The following PXDNL variants were observed in gnomAD, a reference collection of about 807,000 sequenced individuals.
The protein encoded by PXDNL is peroxidasin like.
In PXDNL, 145 loss-of-function variants were observed where a neutral mutation model predicts 150.8. That is an observed-to-expected ratio of 0.96 (90% confidence interval 0.84 to 1.10). The LOEUF (loss-of-function observed/expected upper bound fraction) is 1.10. Among genes scored for constraint, PXDNL ranks in the 50% least tolerant of loss-of-function variants. The pLI is 0.00. For missense variants in PXDNL, 2,087 were observed against 1,873.9 expected (o/e 1.11, Z -2.10); for synonymous variants, 757 against 725.7 (o/e 1.04, Z -0.69).
chr8:51,358,740 G>A (rs903082879), intron 19 of PXDNL, among the ~76,000 whole-genome samples: 3 of 152,114 alleles, frequency 2.0e-5, no homozygotes, highest in African/African-American at 7.2e-5. Flanking sequence ...CCCCAAAGAT[G>A]GGCCTTCTTC....
At chr8:51,486,848 T>G (rs932285290) in intron 5 of PXDNL, among the ~76,000 whole-genome samples, 5 of 126,356 alleles carry the variant, frequency 4.0e-5, no homozygotes, top group Non-Finnish European at 6.3e-5. Context: ...CTTGCCAGGC[T>G]GCAGTGCAGT....
chr8:51,329,869 T>C (rs1336898300), intron 21 of PXDNL, among the ~76,000 whole-genome samples: 2 of 152,116 alleles, frequency 1.3e-5, no homozygotes, highest in African/African-American at 4.8e-5. Flanking sequence ...TTTATGGAGA[T>C]TGAGAAGGGC....
At chr8:51,761,587 T>C (rs531235890) in intron 1 of PXDNL, among the ~76,000 whole-genome samples, 21 of 152,302 alleles carry the variant, frequency 1.4e-4, no homozygotes, top group African/African-American at 3.4e-4. Flanking sequence ...AAAGCTAAGA[T>C]TTAAAGCTCT....
Position 51,521,233 on chromosome 8 carries a change from C to A in PXDNL, c.381-21463G>T, listed in dbSNP as rs372438946. 2.6e-4 allele frequency among the ~76,000 whole-genome samples: 40 copies of A among 152,154 alleles called. 1 individual carries two copies. Among genetic ancestry groups the A allele is most frequent in the African/African-American group, 8.4e-4 (35 of 41,492 alleles). ...CTGTAGTCTGAGTGACAGAATGAGA[C>A]TCTGTCTCTAAAAATATAAAAATAA... On this transcript the variant is annotated intron_variant, in intron 4 of 22. Transcript: ENST00000356297.
Position 51,708,804 on chromosome 8 carries a change from C to A in PXDNL, c.165-54044G>T, listed in dbSNP as rs563208636. Reference sequence around the variant, plus strand: ...AATAATTAATTGCTAAACCTGTGTTCCATAGGACGTTAGTTCAAGTGTTGA... The same window carrying A: ...AATAATTAATTGCTAAACCTGTGTTACATAGGACGTTAGTTCAAGTGTTGA... On this transcript the variant is annotated intron_variant, in intron 1 of 22. Coordinates refer to ENST00000356297, the MANE Select transcript of PXDNL (RefSeq NM_144651.5). Among the ~76,000 whole-genome samples, 8 of 151,820 alleles carry A rather than the reference C, an allele frequency of 5.3e-5. No homozygotes were observed. The East Asian group carries it at 1.6e-3, about 30-fold the overall frequency.
At chr8:51,430,262 T>C (rs1809218519) in intron 12 of PXDNL, among the ~76,000 whole-genome samples, 1 of 152,236 alleles carries the variant, frequency 6.6e-6, no homozygotes, top group African/African-American at 2.4e-5. Flanking sequence ...GATCTGCTTC[T>C]TTCCTGTTGA....
At chr8:51,681,425 G>A (rs1159007030) in intron 1 of PXDNL, among the ~76,000 whole-genome samples, 1 of 152,198 alleles carries the variant, frequency 6.6e-6, no homozygotes, top group African/African-American at 2.4e-5. Context: ...AATCAAAAAT[G>A]GGTATCTGGC....
chr8:51,401,519 C>T (rs1051627197), intron 17 of PXDNL, among the ~76,000 whole-genome samples: 9 of 152,148 alleles, frequency 5.9e-5, no homozygotes, highest in African/African-American at 1.9e-4. Context: ...TCACTGCCTC[C>T]AAATGGGATA....
At chr8:51,407,545 G>GT (rs1318287171) in intron 17 of PXDNL, among the ~76,000 whole-genome samples, 1 of 152,032 alleles carries the variant, frequency 6.6e-6, no homozygotes, top group Non-Finnish European at 1.5e-5. Context: ...TTCAAATCCC[G>GT]TATGTAGAAA....
chr8:51,712,158 A>G (rs1226573161), intron 1 of PXDNL, among the ~76,000 whole-genome samples: 1 of 152,220 alleles, frequency 6.6e-6, no homozygotes, highest in Non-Finnish European at 1.5e-5. Context: ...GTGTGGTAAC[A>G]TGGTAAGTTT....
At chr8:51,692,891 T>G (rs918596220) in intron 1 of PXDNL, among the ~76,000 whole-genome samples, 1 of 152,234 alleles carries the variant, frequency 6.6e-6, no homozygotes, top group Non-Finnish European at 1.5e-5. Flanking sequence ...CTGTTCCAAA[T>G]TGAAACACAA....
chr8:51,433,751 G>A (rs987484051), intron 12 of PXDNL, among the ~76,000 whole-genome samples: 1 of 151,790 alleles, frequency 6.6e-6, no homozygotes. Flanking sequence ...TTATACTTAC[G>A]AGCCTGAAAT....
At chr8:51,325,889 CT>C (rs1255478562) in intron 21 of PXDNL, among the ~76,000 whole-genome samples, 2 of 152,180 alleles carry the variant, frequency 1.3e-5, no homozygotes, top group Non-Finnish European at 2.9e-5. Context: ...ACAGTTTCTT[CT>C]GTGCTGTTTG....
intron 1 of PXDNL, among the ~76,000 whole-genome samples, chr8:51,713,470 G>A (rs901775580): frequency 6.6e-6 from 1 of 152,150 alleles, no homozygotes; most frequent in African/African-American, 2.4e-5. Context: ...CAGAAACAGA[G>A]CCTTCTGTCA....
intron 1 of PXDNL, among the ~76,000 whole-genome samples, chr8:51,769,896 A>G (rs2037273205): frequency 6.6e-6 from 1 of 152,172 alleles, no homozygotes; most frequent in South Asian, 2.1e-4. Context: ...AGTTCAAGCT[A>G]GCTGAGACCA....
At chr8:51,698,043 C>A (rs777233689) in intron 1 of PXDNL, among the ~76,000 whole-genome samples, 5 of 152,316 alleles carry the variant, frequency 3.3e-5, no homozygotes, top group Middle Eastern at 3.4e-3. Flanking sequence ...CATCTGAGCC[C>A]TCAGCAAGTT....
intron 17 of PXDNL, among the ~76,000 whole-genome samples, chr8:51,379,618 A>G (rs141935409): frequency 1.8e-3 from 271 of 152,094 alleles, no homozygotes; most frequent in African/African-American, 6.3e-3. Flanking sequence ...GGTGCTTTTA[A>G]TCATTCTCAT....
At chr8:51,323,245 T>C (rs559070297) in intron 21 of PXDNL, among the ~76,000 whole-genome samples, 1 of 152,306 alleles carries the variant, frequency 6.6e-6, no homozygotes. Flanking sequence ...AGCTAACAAA[T>C]TAATAAATTA....
At chr8:51,391,104 C>T (rs892052017) in intron 17 of PXDNL, among the ~76,000 whole-genome samples, 1 of 152,158 alleles carries the variant, frequency 6.6e-6, no homozygotes, top group Non-Finnish European at 1.5e-5. Context: ...CATAGTATTC[C>T]ATGGTGTATA....
Sources: allele counts gnomAD v4.1 joint callset (sites outside exome capture counted in the v4.1 genomes callset), GRCh38; gene constraint gnomAD v4.1.1; transcripts MANE v1.5; gene names NCBI Gene and HGNC (gene_info 2026-07-23, HGNC 2026-07-21).